Variants in RYR1 observed in about 807,000 individuals in gnomAD.
The protein encoded by RYR1 is ryanodine receptor 1, also known as central core disease of muscle.
Under a neutral mutation model 583.5 loss-of-function variants are expected in RYR1, and 342 were observed. That is an observed-to-expected ratio of 0.59 (90% CI 0.54 to 0.64). The LOEUF is 0.64. RYR1 is among the 30% of genes least tolerant of loss of function. RYR1 has a pLI of 0.00. For synonymous variants in RYR1, 2,791 were observed against 2,822.5 expected, an observed-to-expected ratio of 0.99 and a Z score of 0.35; for missense variants, 6,032 against 6,917.2, an observed-to-expected ratio of 0.87 and a Z score of 4.54.
intron 69 of RYR1, 127 bp downstream of exon 69, chr19:38,523,436 C>T (rs890063626): frequency 1.4e-5 from 14 of 993,084 alleles, no homozygotes; most frequent in Middle Eastern, 2.9e-4. Flanking sequence ...CTCAGAGCAG[C>T]CCCTCTTACC....
chr19:38,443,697 G>A (rs1355235659), intron 4 of RYR1, 21 bp from the exon 5 acceptor site: 2 of 1,613,462 alleles, frequency 1.2e-6, no homozygotes, highest in Non-Finnish European at 1.7e-6. Context: ...GAAGGAGGCT[G>A]ACCTCCCTCT....
rs903496373 is a variant in RYR1 at position 38,579,816 on chromosome 19, G to A, written c.14365-166G>A. 6.6e-5 allele frequency among the ~76,000 whole-genome samples: 10 copies of A among 152,014 alleles called. No individual in the cohort carries two copies. In the South Asian group the frequency reaches 8.3e-4, roughly 13 times the overall value. On this transcript the variant is annotated intron_variant, in intron 99 of 105. Transcript: ENST00000359596. ...TTCTGGAGGGGGCTCTCATCTCCCC[G>A]CAGGATGCCTTCTCACCCGGAATGC...
intron 71 of RYR1, 38 bp from the exon 72 acceptor site, chr19:38,526,955 G>A (rs1971492635): frequency 6.2e-7 from 1 of 1,607,826 alleles, no homozygotes; most frequent in South Asian, 1.1e-5. Flanking sequence ...AGGAGGATGG[G>A]ACCTCCAGAG....
chr19:38,435,099 T>C (rs545072359), intron 1 of RYR1, among the ~76,000 whole-genome samples: 1 of 152,128 alleles, frequency 6.6e-6, no homozygotes, highest in Non-Finnish European at 1.5e-5. Flanking sequence ...GAGCTGTCGC[T>C]CTAAACCAGG....
In RYR1 at chr19:38,448,778, C is replaced by T. The variant is rs367995800; in HGVS notation, c.1087C>T (p.Pro363Ser). 1.2e-6 allele frequency: 2 copies of T among 1,614,162 alleles called. No homozygotes were observed. Among genetic ancestry groups the T allele is most frequent in the Non-Finnish European group, 1.7e-6 (2 of 1,180,040 alleles). ...GTGGCTCACCTATGCTGCTCCAGACCCCAAGGCCCTGCGGCTCGGCGTGCT... is the reference window on the plus strand; with the variant it reads ...GTGGCTCACCTATGCTGCTCCAGACTCCAAGGCCCTGCGGCTCGGCGTGCT... Reference protein sequence around the residue: ...GLWLTYAAPDPKALRLGVLKK... With the variant: ...GLWLTYAAPDSKALRLGVLKK... The change falls in exon 11 of 106, where the codon CCC becomes TCC. Residue 363 changes from proline (P) to serine (S), a missense_variant. Pro to Ser is a moderately conservative substitution (Grantham distance 74). This residue lies in a region of RYR1 where 338 missense variants were observed against 441.6 expected (regional missense o/e 0.77). Transcript: ENST00000359596.
At position 38,586,488 on chromosome 19, in the gene RYR1, G is replaced by A. The variant is rs760736111; in HGVS notation, c.14970-37G>A. On this transcript the variant is annotated intron_variant, in intron 104 of 105. Coordinates refer to ENST00000359596, the MANE Select transcript of RYR1 (RefSeq NM_000540.3). ...ATGAAAAATAAAATAAGGTAAGGGT[G>A]GTTCTGACTTGTCTCCTGTGGTCCT... 16 of 1,586,442 alleles carry A rather than the reference G, an allele frequency of 1.0e-5. No homozygotes were observed. In the African/African-American group the frequency reaches 1.2e-4, roughly 12 times the overall value.
rs912045478 is a variant in RYR1 at position 38,519,372 on chromosome 19, C to A, written c.10177C>A (p.Leu3393Met). The A allele has an allele frequency of 6.2e-7, 1 of 1,608,740 alleles. No homozygotes were observed. Among genetic ancestry groups the A allele is most frequent in the East Asian group, 2.2e-5 (1 of 44,524 alleles). ...GGCGGAGGCCCAGGAGGGCGAGCTGCTGGTGCGGGACGAGTTCTCTGTGCT... is the reference window on the plus strand; with the variant it reads ...GGCGGAGGCCCAGGAGGGCGAGCTGATGGTGCGGGACGAGTTCTCTGTGCT... ...AKAEAQEGEL[L>M]VRDEFSVLCR... is the part of the protein sequence containing the mutation. Residue 3393 changes from leucine (L) to methionine (M), a missense_variant, in exon 67 of 106, where the codon CTG becomes ATG. Physicochemically the swap from Leu to Met is conservative, Grantham distance 15. Coordinates refer to ENST00000359596, the MANE Select transcript of RYR1 (RefSeq NM_000540.3).
intron 20 of RYR1, among the ~76,000 whole-genome samples, chr19:38,461,987 G>A (rs923968872): frequency 2.0e-5 from 3 of 150,352 alleles, no homozygotes; most frequent in Non-Finnish European, 4.4e-5. Flanking sequence ...CCCGGGAGGT[G>A]GAGGTTGCAG....
chr19:38,495,561 G>T (rs1326946130), intron 39 of RYR1, among the ~76,000 whole-genome samples: 1 of 151,874 alleles, frequency 6.6e-6, no homozygotes, highest in East Asian at 1.9e-4. Flanking sequence ...TGCCCAGGCT[G>T]GTCTTGGACT....
rs763110834 is a variant in RYR1, at chr19:38,502,934, G to T, written c.7890G>T (p.Val2630=). 3 of 1,611,340 alleles carry T rather than the reference G, an allele frequency of 1.9e-6. No homozygotes were observed. In the South Asian group the frequency reaches 3.3e-5, roughly 18 times the overall value. ...QHLLRRLVFD[V]PILNEFAKMP... is the part of the protein sequence containing the mutation. Reference sequence around the variant, plus strand: ...TGTTGCGCCGCCTGGTGTTCGACGTGCCCATCCTCAACGAGTTCGCCAAGA... The same window carrying T: ...TGTTGCGCCGCCTGGTGTTCGACGTTCCCATCCTCAACGAGTTCGCCAAGA... Residue 2630 remains valine (V), a synonymous_variant, in exon 49 of 106, where the codon GTG becomes GTT. Transcript: ENST00000359596.
intron 19 of RYR1, 79 bp downstream of exon 19, chr19:38,459,417 T>G: frequency 2.2e-6 from 3 of 1,381,654 alleles, no homozygotes; most frequent in Non-Finnish European, 3.0e-6. Context: ...CACTCCATGG[T>G]CCCCCAGGAG....
rs751171788 is a variant in RYR1 at position 38,507,776 on chromosome 19, C to A, written c.8881C>A (p.Gln2961Lys). 1.2e-6 allele frequency: 2 copies of A among 1,613,926 alleles called. No homozygotes were observed. The highest frequency in any genetic ancestry group is 3.3e-5 in the Admixed American group (2 of 60,012). Reference sequence around the variant, plus strand: ...AAAGCGGTTTGCCTTTGGCTTCCTGCAGCAGCTGCTGCGCTGGATGGACAT... The same window carrying A: ...AAAGCGGTTTGCCTTTGGCTTCCTGAAGCAGCTGCTGCGCTGGATGGACAT... Reference protein sequence around the residue: ...IEKRFAFGFLQQLLRWMDISQ... With the variant: ...IEKRFAFGFLKQLLRWMDISQ... The change falls in exon 58 of 106, where the codon CAG (glutamine) becomes AAG (lysine). Residue 2961 changes from glutamine (Q) to lysine (K), a missense_variant. Coordinates refer to ENST00000359596, the MANE Select transcript of RYR1 (RefSeq NM_000540.3).
intron 96 of RYR1, 72 bp from the exon 97 acceptor site, chr19:38,575,846 TG>T (rs1191321660): frequency 3.3e-6 from 5 of 1,507,348 alleles, no homozygotes; most frequent in Non-Finnish European, 4.6e-6. Context: ...CAGCCAACCC[TG>T]TCGTGGCTGA....
chr19:38,503,051 T>G (rs1702992215), intron 49 of RYR1, 81 bp downstream of exon 49: 2 of 1,401,164 alleles, frequency 1.4e-6, no homozygotes, highest in South Asian at 2.4e-5. Context: ...GGGGCTCATT[T>G]GTGTCGGCAC....
Position 38,499,093 on chromosome 19 carries a change from C to T in RYR1, c.6892-15C>T. ...GCATGGGTCTGGTCTCTGACTGAGC[C>T]CCTTCTGCCCCCAGGTTGTGTCCTA... On this transcript the variant is annotated splice_polypyrimidine_tract_variant and intron_variant, in intron 42 of 105. Transcript: ENST00000359596. This position sits in a 1 kb window ranked among gnomAD's most constrained non-coding sequence, Gnocchi z 7.3. 1 of 1,613,664 alleles carries T rather than the reference C, an allele frequency of 6.2e-7. No individual in the cohort carries two copies. The highest frequency in any genetic ancestry group is 8.5e-7 in the Non-Finnish European group (1 of 1,179,784).
chr19:38,567,280 C>T (rs1368215024), intron 92 of RYR1, among the ~76,000 whole-genome samples: 2 of 151,890 alleles, frequency 1.3e-5, no homozygotes, highest in African/African-American at 2.4e-5. Flanking sequence ...GAGCCCTGAT[C>T]GCAGCATTGC....
intron 70 of RYR1, among the ~76,000 whole-genome samples, chr19:38,524,767 G>A (rs981363749): frequency 6.6e-6 from 1 of 152,142 alleles, no homozygotes; most frequent in African/African-American, 2.4e-5. Flanking sequence ...CTTGTCGCTT[G>A]AACTCTTTGT....
intron 9 of RYR1, among the ~76,000 whole-genome samples, chr19:38,447,703 G>A (rs1712717405): frequency 6.6e-6 from 1 of 151,810 alleles, no homozygotes; most frequent in Admixed American, 6.6e-5. Flanking sequence ...TAGCCAGGCG[G>A]TAGTGGCACG....
In RYR1 at chr19:38,523,049, G is replaced by C; in HGVS notation, c.10281G>C (p.Pro3427=). 6.2e-7 allele frequency: 1 copy of C among 1,606,930 alleles called. No individual in the cohort carries two copies. The highest frequency in any genetic ancestry group is 8.5e-7 in the Non-Finnish European group (1 of 1,177,718). The change falls in exon 68 of 106, where the codon CCG becomes CCC. Residue 3427 remains proline (P), a synonymous_variant. Coordinates refer to ENST00000359596, the MANE Select transcript of RYR1 (RefSeq NM_000540.3). ...CCAGGGCGCAGTGGCTGACGGAGCC[G>C]AATCCCAGCGCGGAGGAGCTGTTCA... ...DNNRAQWLTE[P]NPSAEELFRM...
Sources: gnomAD v4.1 joint callset for allele counts (sites outside exome capture counted in the v4.1 genomes callset) on GRCh38, gnomAD v4.1.1 for gene constraint, gnomAD v4.1.1 regional missense constraint, Gnocchi (gnomAD v3.1) non-coding constraint, MANE v1.5 for transcripts, NCBI Gene and HGNC (gene_info 2026-07-23, HGNC 2026-07-21) for gene names.